The following TEP1 variants were observed in gnomAD, a reference collection of about 807,000 sequenced individuals.
TEP1 encodes telomerase protein component 1.
Under a neutral mutation model 306.3 loss-of-function variants are expected in TEP1, and 241 were observed. That is an observed-to-expected ratio of 0.79 (90% CI 0.71 to 0.88). TEP1 has a LOEUF of 0.88. Among genes scored for constraint, TEP1 ranks in the 40% least tolerant of loss-of-function variants. TEP1 has a pLI of 0.00. For missense variants in TEP1, 3,051 were observed against 3,276.1 expected, an observed-to-expected ratio of 0.93 and a Z score of 1.68; for synonymous variants, 1,289 against 1,305.5, an observed-to-expected ratio of 0.99 and a Z score of 0.27.
At chr14:20,387,391 C>A (rs1169359712) in intron 18 of TEP1, among the ~76,000 whole-genome samples, 2 of 149,904 alleles carry the variant, frequency 1.3e-5, no homozygotes, top group Non-Finnish European at 3.0e-5. Context: ...TACTAAAAAT[C>A]CAAAAAAAAA....
Position 20,377,769 on chromosome 14 carries a change from AG to A in TEP1, c.5722-17del. On this transcript the variant is annotated splice_polypyrimidine_tract_variant and intron_variant, in intron 39 of 54. Coordinates refer to ENST00000262715, the MANE Select transcript of TEP1 (RefSeq NM_007110.5). Reference sequence around the variant, plus strand: ...ACACCTGAACCTGGGAACCAAGAAAAGGGCTTAAGGATACCACCTCCACCAC... The same window carrying A: ...ACACCTGAACCTGGGAACCAAGAAAAGGCTTAAGGATACCACCTCCACCAC... 6.2e-7 allele frequency: 1 copy of A among 1,611,658 alleles called. No individual in the cohort carries two copies. Among genetic ancestry groups the A allele is most frequent in the Non-Finnish European group, 8.5e-7 (1 of 1,179,476 alleles).
chr14:20,383,435 T>A (rs1322063763), intron 26 of TEP1, 53 bp downstream of exon 26: 1 of 1,612,374 alleles, frequency 6.2e-7, no homozygotes, highest in Non-Finnish European at 8.5e-7. Flanking sequence ...CCGTGCCGTA[T>A]CCCTCCTTCT....
chr14:20,407,451 G>A (rs542683787), intron 2 of TEP1, among the ~76,000 whole-genome samples: 230 of 152,170 alleles, frequency 1.5e-3, no homozygotes, highest in African/African-American at 5.3e-3. Context: ...AGCAATTCTC[G>A]TGCCTCAGCC....
rs548742700 is a variant in TEP1 at position 20,401,479 on chromosome 14, C to A, written c.1369G>T (p.Val457Phe). The change falls in exon 8 of 55, where the codon GTT (valine) becomes TTT (phenylalanine). Residue 457 changes from valine to phenylalanine, a missense_variant. By Grantham distance (50) the Val-to-Phe change is conservative. This residue lies in a region of TEP1 where 1,507 missense variants were observed against 1,550.5 expected (regional missense o/e 0.97). Coordinates refer to ENST00000262715, the MANE Select transcript of TEP1 (RefSeq NM_007110.5). ...CACCTGTAACCCAGCAGGGCTTGAA[C>A]GTGCTGGGCAGGCTTGTGGATGTGC... ...RLHIHKPAQHVQALLGYRYPS... is the reference protein window; with the variant it reads ...RLHIHKPAQHFQALLGYRYPS... 6.2e-7 allele frequency: 1 copy of A among 1,614,186 alleles called. No homozygotes were observed. The highest frequency in any genetic ancestry group is 1.1e-5 in the South Asian group (1 of 91,080).
Position 20,407,926 on chromosome 14 carries a change from G to T in TEP1, c.514C>A (p.Pro172Thr), listed in dbSNP as rs765003581. The change falls in exon 2 of 55, where the codon CCT becomes ACT. Residue 172 changes from proline to threonine, a missense_variant. Transcript: ENST00000262715. ...GCAGAGATGGATTTCAGGGCTATAG[G>T]GCAGGTTGAAAGGTCTAGTCCCTTA... is the stretch of plus-strand genomic sequence containing the variant. ...FSKGLDLSTC[P>T]IALKSISATE... 6.2e-7 allele frequency: 1 copy of T among 1,613,544 alleles called. No homozygotes were observed. The highest frequency in any genetic ancestry group is 1.7e-5 in the Admixed American group (1 of 59,908).
Position 20,379,980 on chromosome 14 carries a change from C to T in TEP1, c.5077G>A (p.Val1693Met), listed in dbSNP as rs1157311042. ...AFSTNGQRAAVGTANGTVYLL... is the reference protein window; with the variant it reads ...AFSTNGQRAAMGTANGTVYLL... ...TAAACTGTCCCATTGGCAGTGCCCA[C>T]AGCTGCTCTTTGCCCATTGGTGGAG... is the stretch of plus-strand genomic sequence containing the variant. The change falls in exon 35 of 55, where the codon GTG (valine) becomes ATG (methionine). Residue 1693 changes from valine (V) to methionine (M), a missense_variant. Coordinates refer to ENST00000262715, the MANE Select transcript of TEP1 (RefSeq NM_007110.5). The T allele has an allele frequency of 6.2e-7, 1 of 1,614,180 alleles. No individual in the cohort carries two copies. The highest frequency in any genetic ancestry group is 8.5e-7 in the Non-Finnish European group (1 of 1,180,032).
At chr14:20,395,129 T>C (rs555816062) in intron 12 of TEP1, among the ~76,000 whole-genome samples, 11 of 151,800 alleles carry the variant, frequency 7.2e-5, no homozygotes, top group Non-Finnish European at 8.8e-5. Flanking sequence ...AAGAAAACCA[T>C]GAATCAGAGC....
intron 48 of TEP1, 47 bp downstream of exon 48, chr14:20,372,964 C>G (rs747754111): frequency 7.4e-6 from 12 of 1,613,752 alleles, no homozygotes; most frequent in Non-Finnish European, 1.0e-5. Flanking sequence ...AATACACAGC[C>G]AGGGTAGAAT....
rs762016417 is a variant in TEP1, at chr14:20,384,198, G to A, written c.3374C>T (p.Pro1125Leu). Reference protein sequence around the residue: ...GALLEQPVSIPDDDLVQATFQ... With the variant: ...GALLEQPVSILDDDLVQATFQ... ...GGTGGCCTGGACCAAGTCATCGTCT[G>A]GGATGGACACTGGCTGCTCCAGCAG... The change falls in exon 24 of 55, where the codon CCA becomes CTA. Residue 1125 changes from proline to leucine, a missense_variant. Physicochemically the swap from Pro to Leu is moderately conservative, Grantham distance 98. Around this residue, in one of 3 missense-constraint regions of TEP1, gnomAD observed 1,507 missense variants for 1,550.5 expected, o/e 0.97. Transcript: ENST00000262715. The A allele has an allele frequency of 2.5e-6, 4 of 1,614,176 alleles. No homozygotes were observed. The Admixed American group carries it at 6.7e-5, about 27-fold the overall frequency.
At chr14:20,411,697 T>C (rs1233960901) in intron 1 of TEP1, among the ~76,000 whole-genome samples, 1 of 151,928 alleles carries the variant, frequency 6.6e-6, no homozygotes, top group African/African-American at 2.4e-5. Flanking sequence ...AAAAAAAGTA[T>C]ATACTGTTTT....
rs1277455805 is a variant in TEP1, at chr14:20,377,339, C to A, written c.6029G>T (p.Arg2010Ile). The stretch of plus-strand genomic sequence containing the variant: ...CAGTCCTAGCACAGGCTTCTGGAAT[C>A]TGGACAGGAGCCAGAGGGACTGAAG... ...CSLQSLWLLSRFQKPVLGLAT... is the reference protein window; with the variant it reads ...CSLQSLWLLSIFQKPVLGLAT... The change falls in exon 41 of 55, where the codon AGA becomes ATA. Residue 2010 changes from arginine (R) to isoleucine (I), a missense_variant. By Grantham distance (97) the Arg-to-Ile change is moderately conservative. Around this residue, in one of 3 missense-constraint regions of TEP1, gnomAD observed 1,540 missense variants for 1,705.9 expected, o/e 0.90. Coordinates refer to ENST00000262715, the MANE Select transcript of TEP1 (RefSeq NM_007110.5). The A allele has an allele frequency of 3.1e-6, 5 of 1,614,178 alleles. No homozygotes were observed. In the South Asian group the frequency reaches 5.5e-5, roughly 18 times the overall value.
At chr14:20,377,863 A>C in intron 39 of TEP1, 110 bp from the exon 40 acceptor site, 2 of 1,496,304 alleles carry the variant, frequency 1.3e-6, no homozygotes, top group Non-Finnish European at 1.8e-6. Flanking sequence ...GACTCTTCTC[A>C]TGAGAGCTGC....
At chr14:20,385,202 T>C (rs1877027825) in intron 20 of TEP1, 93 bp from the exon 21 acceptor site, 2 of 1,504,144 alleles carry the variant, frequency 1.3e-6, no homozygotes, top group Non-Finnish European at 1.8e-6. Context: ...GTATCTCTGA[T>C]GTTCCTCTCT....
chr14:20,411,080 A>G (rs1054228382), intron 1 of TEP1, among the ~76,000 whole-genome samples: 15 of 152,086 alleles, frequency 9.9e-5, no homozygotes, highest in Non-Finnish European at 2.2e-4. Context: ...TCAGCCTCCC[A>G]AAGTGCTAGG....
chr14:20,369,552 G>C lies in TEP1; in HGVS notation c.7448C>G (p.Ser2483Cys), dbSNP rs1447132037. ...ESESSFLCAS[S>C]DGILWNLAKC... ...GGCCAGGTTCCATAGGATCCCATCA[G>C]AGCTGGCACACAAAAATGAGGACTC... Residue 2483 changes from serine (S) to cysteine (C), a missense_variant, in exon 53 of 55, where the codon TCT (serine) becomes TGT (cysteine). Ser to Cys is a moderately radical substitution (Grantham distance 112). Coordinates refer to ENST00000262715, the MANE Select transcript of TEP1 (RefSeq NM_007110.5). 33 of 1,614,006 alleles carry C rather than the reference G, an allele frequency of 2.0e-5. No homozygotes were observed. The highest frequency in any genetic ancestry group is 2.7e-5 in the Non-Finnish European group (32 of 1,180,040).
rs771303551 is a variant in TEP1, at chr14:20,395,597, A to T, written c.1781T>A (p.Met594Lys). 6.2e-7 allele frequency: 1 copy of T among 1,607,718 alleles called. No homozygotes were observed. Among genetic ancestry groups the T allele is most frequent in the Non-Finnish European group, 8.5e-7 (1 of 1,174,618 alleles). Residue 594 changes from methionine to lysine, a missense_variant, in exon 12 of 55, where the codon ATG (methionine) becomes AAG (lysine). Transcript: ENST00000262715. ...TTCATTTCTAGTTAGTATCCGCCTCATCAGTGTTATATTCGAAGGAAAGGG... is the reference window on the plus strand; with the variant it reads ...TTCATTTCTAGTTAGTATCCGCCTCTTCAGTGTTATATTCGAAGGAAAGGG... ...ALPFPSNITL[M>K]RRILTRNEKN...
chr14:20,377,916 C>T, intron 39 of TEP1, 108 bp downstream of exon 39: 2 of 1,490,816 alleles, frequency 1.3e-6, no homozygotes, highest in Non-Finnish European at 1.8e-6. Flanking sequence ...TTCCTGCAAT[C>T]CAAGCTCCTC....
Position 20,390,733 on chromosome 14 carries a change from G to A in TEP1, c.2282C>T (p.Ser761Phe). Residue 761 changes from serine to phenylalanine, a missense_variant, in exon 15 of 55, where the codon TCC becomes TTC. Around this residue, in one of 3 missense-constraint regions of TEP1, gnomAD observed 1,507 missense variants for 1,550.5 expected, o/e 0.97. Transcript: ENST00000262715. ...CAGGTATTTCCCAAAAGTATTCAGG[G>A]ACCATCCATCATTTTCATCAAACTC... is the stretch of plus-strand genomic sequence containing the variant. ...VQEFDENDGW[S>F]LNTFGKYLLS... 1.2e-6 allele frequency: 2 copies of A among 1,614,160 alleles called. No homozygotes were observed. Among genetic ancestry groups the A allele is most frequent in the African/African-American group, 1.3e-5 (1 of 75,032 alleles).
At chr14:20,374,752 A>G (rs890941506) in intron 43 of TEP1, among the ~76,000 whole-genome samples, 5 of 152,080 alleles carry the variant, frequency 3.3e-5, no homozygotes, top group Admixed American at 2.6e-4. Flanking sequence ...TATAATGATA[A>G]TGTACCTATC....
Sources: gnomAD v4.1 joint callset for allele counts (sites outside exome capture counted in the v4.1 genomes callset) on GRCh38, gnomAD v4.1.1 for gene constraint, gnomAD v4.1.1 regional missense constraint, MANE v1.5 for transcripts, NCBI Gene and HGNC (gene_info 2026-07-23, HGNC 2026-07-21) for gene names.